The following COL25A1 variants were observed in gnomAD, a reference collection of about 807,000 sequenced individuals.
The protein encoded by COL25A1 is collagen alpha-1(XXV) chain.
COL25A1 carries 103 observed loss-of-function variants against 128.4 expected under a neutral mutation model. That is an observed-to-expected ratio of 0.80 (90% CI 0.68 to 0.94). The LOEUF (loss-of-function observed/expected upper bound fraction) is 0.94, where lower values mean the gene tolerates loss of function less well. Among genes scored for constraint, COL25A1 ranks in the 40% least tolerant of loss-of-function variants. The pLI is 0.00. For synonymous variants in COL25A1, 279 were observed against 277.2 expected, an observed-to-expected ratio of 1.01 and a Z score of -0.06; for missense variants, 745 against 840.0, an observed-to-expected ratio of 0.89 and a Z score of 1.40.
chr4:109,132,856 C>A, intron 3 of COL25A1, among the ~76,000 whole-genome samples: 1 of 151,914 alleles, frequency 6.6e-6, no homozygotes, highest in Non-Finnish European at 1.5e-5. Flanking sequence ...TTTGATTTTT[C>A]TACTTGCAAA....
At chr4:108,841,224 C>A (rs1427789231) in intron 31 of COL25A1, among the ~76,000 whole-genome samples, 4 of 152,118 alleles carry the variant, frequency 2.6e-5, no homozygotes, top group East Asian at 1.9e-4. Context: ...ACCTGAAATA[C>A]CCCACCCACT....
intron 3 of COL25A1, among the ~76,000 whole-genome samples, chr4:109,095,711 G>A (rs1175035880): frequency 2.6e-5 from 4 of 152,148 alleles, no homozygotes; most frequent in Non-Finnish European, 2.9e-5. Context: ...TAACATAGTA[G>A]TAAAATAAAG....
chr4:109,060,657 G>T lies in COL25A1; in HGVS notation c.368-10478C>A, dbSNP rs149238561. 9.9e-5 allele frequency among the ~76,000 whole-genome samples: 15 copies of T among 150,980 alleles called. No individual in the cohort carries two copies. The East Asian group carries it at 2.9e-3, about 29-fold the overall frequency. On this transcript the variant is annotated intron_variant, in intron 3 of 37. Coordinates refer to ENST00000399132, the MANE Select transcript of COL25A1 (RefSeq NM_198721.4). ...CGCAGATGGTACCTTCCACACGTTG[G>T]GTGCTCAGTACCAACTCAGACTCAA... is the stretch of plus-strand genomic sequence containing the variant.
intron 3 of COL25A1, among the ~76,000 whole-genome samples, chr4:109,085,726 A>G (rs541335190): frequency 4.2e-4 from 64 of 152,324 alleles, no homozygotes; most frequent in African/African-American, 1.4e-3. Context: ...GGGATTTGGC[A>G]TCTCAGCACA....
chr4:108,887,850 C>T (rs2125841898), intron 18 of COL25A1, among the ~76,000 whole-genome samples: 1 of 152,132 alleles, frequency 6.6e-6, no homozygotes. Flanking sequence ...GTCTTACAGA[C>T]TTTTTAGCAA....
intron 3 of COL25A1, among the ~76,000 whole-genome samples, chr4:109,227,925 G>T (rs1778912137): frequency 6.6e-6 from 1 of 152,114 alleles, no homozygotes; most frequent in Non-Finnish European, 1.5e-5. Context: ...GTTCACATTT[G>T]AACGCCTCAG....
rs1429688088 is a variant in COL25A1, at chr4:108,809,491, C to G, written c.*4436G>C. ...ACATTTTGAGAGATGTTGGTACTTT[C>G]TTTGTTAAGTTGTTAATAAATCACA... On this transcript the variant is annotated 3_prime_UTR_variant, in exon 38 of 38. Transcript: ENST00000399132. 1 of 151,376 alleles carries G rather than the reference C, an allele frequency of 6.6e-6. No individual in the cohort carries two copies. Among genetic ancestry groups the G allele is most frequent in the African/African-American group, 2.4e-5 (1 of 41,308 alleles). The allele number at this position is 151,376 out of a possible 1,614,324, so 9.4% of individuals were successfully genotyped here.
intron 3 of COL25A1, among the ~76,000 whole-genome samples, chr4:109,096,432 C>T (rs1765404296): frequency 6.9e-6 from 1 of 143,956 alleles, no homozygotes; most frequent in Non-Finnish European, 1.5e-5. Context: ...ATACCTACCA[C>T]TGTGTTACAA....
rs1748067460 is a variant in COL25A1 at position 108,941,362 on chromosome 4, C to T, written c.564+4G>A. 1 of 1,611,842 alleles carries T rather than the reference C, an allele frequency of 6.2e-7. No individual in the cohort carries two copies. The highest frequency in any genetic ancestry group is 1.7e-4 in the Middle Eastern group (1 of 6,052). Reference sequence around the variant, plus strand: ...AATCAGACTTCAGCAAGAATAAGCACTACCTTAATCAGGCGGCGTTTAATG... The same window carrying T: ...AATCAGACTTCAGCAAGAATAAGCATTACCTTAATCAGGCGGCGTTTAATG... On this transcript the variant is annotated splice_donor_region_variant and intron_variant, in intron 9 of 37. Transcript: ENST00000399132.
chr4:108,942,398 G>A, intron 8 of COL25A1: 1 of 767,270 alleles, frequency 1.3e-6, no homozygotes, highest in Non-Finnish European at 2.1e-6. Context: ...TGCCTCATCT[G>A]ACATACCATA....
intron 3 of COL25A1, among the ~76,000 whole-genome samples, chr4:109,278,433 T>C (rs1282417212): frequency 6.6e-6 from 1 of 152,216 alleles, no homozygotes; most frequent in Non-Finnish European, 1.5e-5. Flanking sequence ...TTGAATTTAG[T>C]CCTATAATTT....
chr4:109,281,074 A>G (rs1723335886), intron 3 of COL25A1, among the ~76,000 whole-genome samples: 1 of 152,238 alleles, frequency 6.6e-6, no homozygotes, highest in African/African-American at 2.4e-5. Context: ...TTAATATTAA[A>G]TAGGAAAAGA....
intron 3 of COL25A1, among the ~76,000 whole-genome samples, chr4:109,284,918 T>C (rs987185615): frequency 6.6e-6 from 1 of 150,380 alleles, no homozygotes; most frequent in Non-Finnish European, 1.5e-5. Flanking sequence ...AACTTCAGGA[T>C]TTTCATCAGT....
intron 25 of COL25A1, 68 bp downstream of exon 25, chr4:108,852,834 T>C (rs1016354693): frequency 6.5e-5 from 81 of 1,253,874 alleles, no homozygotes; most frequent in Middle Eastern, 3.8e-4. Context: ...ATTAGTACCA[T>C]TTTGGCTGGC....
intron 18 of COL25A1, 59 bp downstream of exon 18, chr4:108,889,162 G>T (rs1741164294): frequency 2.9e-6 from 4 of 1,359,464 alleles, no homozygotes; most frequent in East Asian, 2.3e-5. Context: ...CACAGTGGAT[G>T]GTAGATATAA....
intron 3 of COL25A1, among the ~76,000 whole-genome samples, chr4:109,207,223 A>G (rs1777079194): frequency 6.6e-6 from 1 of 152,204 alleles, no homozygotes; most frequent in South Asian, 2.1e-4. Flanking sequence ...AAACAAAGAA[A>G]TAAGGAGTGT....
chr4:109,220,468 T>TC (rs1437778179), intron 3 of COL25A1, among the ~76,000 whole-genome samples: 2 of 151,680 alleles, frequency 1.3e-5, no homozygotes, highest in Non-Finnish European at 2.9e-5. Context: ...ACACTGTGGT[T>TC]CCCCCATGGA....
chr4:109,178,909 C>G (rs1374146637), intron 3 of COL25A1, among the ~76,000 whole-genome samples: 1 of 149,782 alleles, frequency 6.7e-6, no homozygotes, highest in African/African-American at 2.5e-5. Flanking sequence ...TTTTGAGACT[C>G]AAACCAAATG....
intron 16 of COL25A1, among the ~76,000 whole-genome samples, chr4:108,895,086 C>T (rs1034443375): frequency 1.3e-5 from 2 of 152,090 alleles, no homozygotes; most frequent in African/African-American, 4.8e-5. Context: ...AAACACAGAT[C>T]TATAAGAAAC....
Sources: allele counts gnomAD v4.1 joint callset (sites outside exome capture counted in the v4.1 genomes callset), GRCh38; gene constraint gnomAD v4.1.1; transcripts MANE v1.5; gene names NCBI Gene and HGNC (gene_info 2026-07-23, HGNC 2026-07-21).